TM4SF5: variants seen among roughly 807,000 people sequenced by gnomAD.
TM4SF5 encodes transmembrane 4 L6 family member 5.
In TM4SF5, 16 loss-of-function variants were observed where a neutral mutation model predicts 22.3. That is an observed-to-expected ratio of 0.72 (90% CI 0.49 to 1.09). The LOEUF (loss-of-function observed/expected upper bound fraction) is 1.09. Among genes scored for constraint, TM4SF5 ranks in the 50% least tolerant of loss-of-function variants. The pLI is 0.00. For synonymous variants in TM4SF5, 113 were observed against 109.6 expected, an observed-to-expected ratio of 1.03 and a Z score of -0.19; for missense variants, 249 against 266.1, an observed-to-expected ratio of 0.94 and a Z score of 0.45.
At chr17:4,782,714 C>G (rs1597300478) in intron 3 of TM4SF5, 75 bp downstream of exon 3, 2 of 1,593,668 alleles carry the variant, frequency 1.3e-6, no homozygotes, top group East Asian at 2.2e-5. Context: ...GACTGGGACA[C>G]CTGGGCGGGA....
At chr17:4,772,778 CGAA>C (rs1917138321) in intron 1 of TM4SF5, among the ~76,000 whole-genome samples, 1 of 150,318 alleles carries the variant, frequency 6.7e-6, no homozygotes, top group African/African-American at 2.5e-5. Flanking sequence ...TGTGGTGGTG[CGAA>C]CATGGCTCAC....
chr17:4,779,448 A>G (rs1597298889), intron 1 of TM4SF5, among the ~76,000 whole-genome samples: 1 of 152,258 alleles, frequency 6.6e-6, no homozygotes, highest in East Asian at 1.9e-4. Context: ...GAAAGAAAAA[A>G]AAAAGCTATG....
intron 1 of TM4SF5, 34 bp from the exon 2 acceptor site, chr17:4,780,755 G>A (rs1917287407): frequency 8.2e-6 from 13 of 1,576,678 alleles, no homozygotes; most frequent in Non-Finnish European, 9.5e-6. Flanking sequence ...AGGATCTGGG[G>A]GGACGTGCTA....
At chr17:4,778,152 A>C (rs1224317727) in intron 1 of TM4SF5, among the ~76,000 whole-genome samples, 2 of 152,184 alleles carry the variant, frequency 1.3e-5, no homozygotes, top group Non-Finnish European at 2.9e-5. Flanking sequence ...TGACCTAACC[A>C]GGGAGGTAAA....
In TM4SF5 at chr17:4,777,839, G is replaced by A. The variant is rs200759252; in HGVS notation, c.178-2950G>A. On this transcript the variant is annotated intron_variant, in intron 1 of 4. Coordinates refer to ENST00000270560, the MANE Select transcript of TM4SF5 (RefSeq NM_003963.3). ...GCAGAGGTTACAGCGAGCCAAGATC[G>A]CGCCATTGCACTCCAGCCTGGGCAA... 3.9e-5 allele frequency among the ~76,000 whole-genome samples: 6 copies of A among 151,914 alleles called. No individual in the cohort carries two copies. In the East Asian group the frequency reaches 5.8e-4, roughly 15 times the overall value.
At chr17:4,773,009 A>T (rs1917142112) in intron 1 of TM4SF5, among the ~76,000 whole-genome samples, 1 of 151,996 alleles carries the variant, frequency 6.6e-6, no homozygotes, top group African/African-American at 2.4e-5. Flanking sequence ...GGTTTAAGCA[A>T]TTCTCCTGCC....
chr17:4,772,840 G>A (rs1269501863), intron 1 of TM4SF5, among the ~76,000 whole-genome samples: 5 of 150,692 alleles, frequency 3.3e-5, no homozygotes, highest in East Asian at 2.0e-4. Context: ...CTCAGCCTCC[G>A]AGCAGCTGGA....
In TM4SF5 at chr17:4,773,239, C is replaced by T. The variant is rs535908184; in HGVS notation, c.177+1140C>T. Among the ~76,000 whole-genome samples, 4 of 151,944 alleles carry T rather than the reference C, an allele frequency of 2.6e-5. No homozygotes were observed. The South Asian group carries it at 8.3e-4, about 32-fold the overall frequency. On this transcript the variant is annotated intron_variant, in intron 1 of 4. Coordinates refer to ENST00000270560, the MANE Select transcript of TM4SF5 (RefSeq NM_003963.3). Reference sequence around the variant, plus strand: ...GTAGAGACGGAGTATCTCTGTGTTGCCCAGACTGGTCTCAAACTCCTGGAT... The same window carrying T: ...GTAGAGACGGAGTATCTCTGTGTTGTCCAGACTGGTCTCAAACTCCTGGAT...
intron 1 of TM4SF5, among the ~76,000 whole-genome samples, chr17:4,779,923 A>T (rs947347709): frequency 6.6e-6 from 1 of 151,748 alleles, no homozygotes; most frequent in African/African-American, 2.4e-5. Flanking sequence ...AAAATGCTAC[A>T]CTCCATATCA....
intron 1 of TM4SF5, among the ~76,000 whole-genome samples, chr17:4,774,422 TA>T (rs1917171969): frequency 6.6e-6 from 1 of 151,444 alleles, no homozygotes; most frequent in Non-Finnish European, 1.5e-5. Flanking sequence ...GACACCCAAT[TA>T]ATAGTCATGG....
intron 1 of TM4SF5, among the ~76,000 whole-genome samples, chr17:4,774,617 G>T (rs1261308213): frequency 6.6e-6 from 1 of 152,050 alleles, no homozygotes; most frequent in African/African-American, 2.4e-5. Flanking sequence ...GATAGAAGTA[G>T]GTACCATCGG....
intron 2 of TM4SF5, among the ~76,000 whole-genome samples, chr17:4,781,135 TAAA>T (rs541886050): frequency 3.2e-5 from 4 of 125,166 alleles, no homozygotes; most frequent in African/African-American, 1.2e-4. Context: ...AGCAGTGATT[TAAA>T]AAAAAAAAAA....
Position 4,783,168 on chromosome 17 carries a change from A to ACGCCTACCTGGCT in TM4SF5, c.*43_*44insCTACCTGGCTCGC, listed in dbSNP as rs3217068. 648,590 of 1,611,580 alleles carry ACGCCTACCTGGCT rather than the reference A, an allele frequency of 0.4. 134,469 individuals carry two copies. Among genetic ancestry groups the ACGCCTACCTGGCT allele is most frequent in the South Asian group, 0.61 (55,619 of 90,998 alleles). ...CCGGGTTACACCTGCTCCTTCCTGG[A>ACGCCTACCTGGCT]CGCTCACTCCCTTGCTCGCTAGAAT... On this transcript the variant is annotated 3_prime_UTR_variant, in exon 5 of 5. Transcript: ENST00000270560.
At chr17:4,779,713 A>G (rs1251479570) in intron 1 of TM4SF5, among the ~76,000 whole-genome samples, 3 of 152,150 alleles carry the variant, frequency 2.0e-5, no homozygotes, top group Non-Finnish European at 4.4e-5. Flanking sequence ...TCAAAGGGAG[A>G]TGAATTTGAG....
chr17:4,772,458 A>G (rs906024998), intron 1 of TM4SF5, among the ~76,000 whole-genome samples: 1 of 152,178 alleles, frequency 6.6e-6, no homozygotes, highest in Non-Finnish European at 1.5e-5. Flanking sequence ...TCGGGGCAGG[A>G]TAATAACAGG....
intron 1 of TM4SF5, among the ~76,000 whole-genome samples, chr17:4,772,778 C>T (rs1025680984): frequency 1.5e-4 from 23 of 150,422 alleles, no homozygotes; most frequent in Admixed American, 4.6e-4. Context: ...TGTGGTGGTG[C>T]GAACATGGCT....
intron 1 of TM4SF5, 59 bp from the exon 2 acceptor site, chr17:4,780,730 G>A (rs2150647586): frequency 6.9e-7 from 1 of 1,444,412 alleles, no homozygotes; most frequent in East Asian, 2.4e-5. Context: ...AGGCACTGAT[G>A]CAAGTCAGGC....
rs769207579 is a variant in TM4SF5 at position 4,782,640 on chromosome 17, G to A, written c.395+1G>A. On this transcript the variant is annotated splice_donor_variant, in intron 3 of 4. Transcript: ENST00000270560. LOFTEE classifies it high-confidence loss of function. ...GGGGCTACCACTTCGAAGACACCGC[G>A]TAAGGTTTAGCCTGTATTCGTGTCC... 6.2e-7 allele frequency: 1 copy of A among 1,614,134 alleles called. No homozygotes were observed. Among genetic ancestry groups the A allele is most frequent in the Non-Finnish European group, 8.5e-7 (1 of 1,180,006 alleles).
intron 1 of TM4SF5, among the ~76,000 whole-genome samples, chr17:4,774,613 A>G (rs562468825): frequency 6.6e-6 from 1 of 152,326 alleles, no homozygotes; most frequent in African/African-American, 2.4e-5. Context: ...TTCAGATAGA[A>G]GTAGGTACCA....
Sources: allele counts gnomAD v4.1 joint callset (sites outside exome capture counted in the v4.1 genomes callset), GRCh38; gene constraint gnomAD v4.1.1; transcripts MANE v1.5; gene names NCBI Gene and HGNC (gene_info 2026-07-23, HGNC 2026-07-21).